Variants in TRIO observed in about 807,000 individuals in gnomAD.
TRIO encodes the protein trio Rho guanine nucleotide exchange factor.
A neutral mutation model predicts 351.9 loss-of-function variants in TRIO; 58 were observed. The observed-to-expected ratio is 0.16, with a 90% CI of 0.13 to 0.21. The LOEUF is 0.21. Ranked by LOEUF, TRIO falls within the 10% of genes least tolerant of loss-of-function variation. TRIO has a pLI of 1.00. For missense variants in TRIO, 3,201 were observed against 4,027.8 expected, an observed-to-expected ratio of 0.79 and a Z score of 5.56; for synonymous variants, 1,758 against 1,595.7, an observed-to-expected ratio of 1.10 and a Z score of -2.42.
chr5:14,386,208 A>G (rs1746526151), intron 21 of TRIO, among the ~76,000 whole-genome samples: 1 of 152,154 alleles, frequency 6.6e-6, no homozygotes, highest in Non-Finnish European at 1.5e-5. Context: ...AAGGAGCCAT[A>G]GGGATATCTG....
chr5:14,325,179 G>T (rs933941637), intron 9 of TRIO, among the ~76,000 whole-genome samples: 3 of 152,226 alleles, frequency 2.0e-5, no homozygotes, highest in Non-Finnish European at 4.4e-5. Flanking sequence ...TTTTCACATC[G>T]TATGTTGTTG....
At chr5:14,367,248 G>A (rs146956307) in intron 16 of TRIO, among the ~76,000 whole-genome samples, 176 of 152,270 alleles carry the variant, frequency 1.2e-3, no homozygotes, top group African/African-American at 4.2e-3. Context: ...GGGGGTTCCT[G>A]TTGTTCTCCT....
intron 8 of TRIO, 117 bp from the exon 9 acceptor site, chr5:14,316,396 G>A (rs1229111085): frequency 1.0e-6 from 1 of 976,710 alleles, no homozygotes; most frequent in East Asian, 2.6e-5. Flanking sequence ...TGTGTAATGT[G>A]TGTACATGTA....
chr5:14,494,109 C>T (rs1311842865), intron 49 of TRIO, among the ~76,000 whole-genome samples: 1 of 152,206 alleles, frequency 6.6e-6, no homozygotes, highest in Admixed American at 6.5e-5. Flanking sequence ...TTAAGTTGAA[C>T]CCAGTCGCAT....
chr5:14,417,985 C>T (rs1469453555), intron 33 of TRIO, among the ~76,000 whole-genome samples: 4 of 152,162 alleles, frequency 2.6e-5, no homozygotes, highest in African/African-American at 4.8e-5. Context: ...CCATCTCCGC[C>T]CTCCCAGTCC....
chr5:14,256,527 G>A lies in TRIO; in HGVS notation c.158-14298G>A, dbSNP rs191424711. Among the ~76,000 whole-genome samples, 8 of 152,288 alleles carry A rather than the reference G, an allele frequency of 5.3e-5. No homozygotes were observed. In the East Asian group the frequency reaches 1.5e-3, roughly 29 times the overall value. ...TGTCAGTGTTCTGGTTCTTAAACCG[G>A]ATAGTGGTTTCAAACATATGTAATA... On this transcript the variant is annotated intron_variant, in intron 1 of 56. Coordinates refer to ENST00000344204, the MANE Select transcript of TRIO (RefSeq NM_007118.4).
chr5:14,373,440 C>T (rs1339255751), intron 18 of TRIO, among the ~76,000 whole-genome samples: 1 of 152,036 alleles, frequency 6.6e-6, no homozygotes, highest in Admixed American at 6.5e-5. Context: ...AGATAGAGCT[C>T]CTTGAAGAAA....
chr5:14,383,946 G>A (rs185509648), intron 21 of TRIO, among the ~76,000 whole-genome samples: 22 of 152,290 alleles, frequency 1.4e-4, no homozygotes, highest in African/African-American at 5.3e-4. Context: ...AACATTTTTA[G>A]TGTTGATGGA....
chr5:14,380,214 C>T (rs962200038), intron 20 of TRIO, among the ~76,000 whole-genome samples: 5 of 152,210 alleles, frequency 3.3e-5, no homozygotes, highest in South Asian at 2.1e-4. Flanking sequence ...TCTTGTCTTA[C>T]GTGTTGTTAG....
rs769633911 is a variant in TRIO at position 14,270,845 on chromosome 5, A to G, written c.178A>G (p.Met60Val). Residue 60 changes from methionine to valine, a missense_variant, in exon 2 of 57, where the codon ATG becomes GTG. Physicochemically the swap from Met to Val is conservative, Grantham distance 21. Transcript: ENST00000344204. Reference sequence around the variant, plus strand: ...TTCAGGGTTTCGAAAAAACGATGAAATGAAAGCTATGGATGTTTTACCAAT... The same window carrying G: ...TTCAGGGTTTCGAAAAAACGATGAAGTGAAAGCTATGGATGTTTTACCAAT... ...FRSGFRKNDE[M>V]KAMDVLPILK... 3.1e-6 allele frequency: 5 copies of G among 1,613,898 alleles called. No homozygotes were observed. In the African/African-American group the frequency reaches 4.0e-5, roughly 13 times the overall value.
chr5:14,434,840 A>G (rs1292673366), intron 34 of TRIO, among the ~76,000 whole-genome samples: 1 of 152,240 alleles, frequency 6.6e-6, no homozygotes, highest in Admixed American at 6.5e-5. Context: ...GCAGCTCTTC[A>G]GTCTTTTTTC....
At chr5:14,474,808 G>C (rs1028693472) in intron 40 of TRIO, among the ~76,000 whole-genome samples, 1 of 152,026 alleles carries the variant, frequency 6.6e-6, no homozygotes, top group African/African-American at 2.4e-5. Flanking sequence ...TAGTAGCTGG[G>C]CCTACAGGCA....
At chr5:14,173,292 C>T (rs913578897) in intron 1 of TRIO, among the ~76,000 whole-genome samples, 1 of 141,754 alleles carries the variant, frequency 7.1e-6, no homozygotes, top group African/African-American at 2.7e-5. Flanking sequence ...CTAATTACAA[C>T]CTTCACCTCC....
At chr5:14,287,164 A>G in intron 4 of TRIO, 101 bp downstream of exon 4, 1 of 1,139,146 alleles carries the variant, frequency 8.8e-7, no homozygotes, top group South Asian at 1.5e-5. Flanking sequence ...CACATATTAA[A>G]CAGGAGCTGC....
chr5:14,207,357 CACACAG>C (rs1429547237), intron 1 of TRIO, among the ~76,000 whole-genome samples: 2 of 26,280 alleles, frequency 7.6e-5, no homozygotes, highest in African/African-American at 8.7e-5. Flanking sequence ...CACACACACA[CACACAG>C]AGCCAGGTAG....
At chr5:14,237,269 A>G (rs977675713) in intron 1 of TRIO, among the ~76,000 whole-genome samples, 1 of 152,242 alleles carries the variant, frequency 6.6e-6, no homozygotes, top group African/African-American at 2.4e-5. Flanking sequence ...TTTTCTCTTA[A>G]GTGTCCTGTC....
At chr5:14,468,068 T>C (rs1754401698) in intron 37 of TRIO, among the ~76,000 whole-genome samples, 1 of 152,236 alleles carries the variant, frequency 6.6e-6, no homozygotes, top group African/African-American at 2.4e-5. Context: ...ATCTGGCCAC[T>C]ATTCTGCAGC....
At chr5:14,439,806 G>A (rs1340588420) in intron 34 of TRIO, among the ~76,000 whole-genome samples, 1 of 152,090 alleles carries the variant, frequency 6.6e-6, no homozygotes, top group Non-Finnish European at 1.5e-5. Context: ...GCCTAACGTG[G>A]GCCCATAAAT....
intron 1 of TRIO, among the ~76,000 whole-genome samples, chr5:14,175,718 A>G (rs1789364036): frequency 6.6e-6 from 1 of 152,218 alleles, no homozygotes; most frequent in African/African-American, 2.4e-5. Flanking sequence ...AATATTTGGG[A>G]AACTCCCCTG....
Sources: allele counts gnomAD v4.1 joint callset (sites outside exome capture counted in the v4.1 genomes callset), GRCh38; gene constraint gnomAD v4.1.1; transcripts MANE v1.5; gene names NCBI Gene and HGNC (gene_info 2026-07-23, HGNC 2026-07-21).